NCKAP1: variants seen among roughly 807,000 people sequenced by gnomAD.
NCKAP1 encodes NCK associated protein 1.
Under a neutral mutation model 151.2 loss-of-function variants are expected in NCKAP1, and 21 were observed. That is an observed-to-expected ratio of 0.14 (90% CI 0.10 to 0.20). The LOEUF (loss-of-function observed/expected upper bound fraction) is 0.20, where lower values mean the gene tolerates loss of function less well. Among genes scored for constraint, NCKAP1 ranks in the 10% least tolerant of loss-of-function variants. The pLI is 1.00. For missense variants in NCKAP1, 933 were observed against 1,352.1 expected (o/e 0.69, Z 4.86); for synonymous variants, 484 against 451.8 (o/e 1.07, Z -0.90).
chr2:182,978,971 G>C, intron 13 of NCKAP1, 56 bp from the exon 14 acceptor site: 1 of 1,219,858 alleles, frequency 8.2e-7, no homozygotes, highest in Non-Finnish European at 1.2e-6. Flanking sequence ...AAACAACTCA[G>C]GTCTATCAAT....
rs931460524 is a variant in NCKAP1 at position 182,918,835 on chromosome 2, A to T, written c.*6867T>A. 19 of 152,196 alleles carry T rather than the reference A, an allele frequency of 1.2e-4. No homozygotes were observed. The highest frequency in any genetic ancestry group is 1.5e-5 in the Non-Finnish European group (1 of 68,030). 9.4% of individuals were successfully genotyped at this position (152,196 alleles called of 1,614,324 possible). A position where few individuals can be genotyped will look rare whatever the true frequency, so the allele number is the denominator to read the frequency against. ...CCCACTGTACCCTAAAAGCTATTCA[A>T]ATTTTTAAAACATTAATTAAAAAAT... On this transcript the variant is annotated 3_prime_UTR_variant, in exon 31 of 31. Coordinates refer to ENST00000361354, the MANE Select transcript of NCKAP1 (RefSeq NM_013436.5).
chr2:182,917,587 A>G lies in NCKAP1; in HGVS notation c.*8115T>C, dbSNP rs1254376448. 1 of 152,208 alleles carries G rather than the reference A, an allele frequency of 6.6e-6. No homozygotes were observed. The highest frequency in any genetic ancestry group is 1.5e-5 in the Non-Finnish European group (1 of 68,032). 9.4% of individuals were successfully genotyped at this position (152,208 alleles called of 1,614,324 possible). On this transcript the variant is annotated 3_prime_UTR_variant, in exon 31 of 31. Transcript: ENST00000361354. ...TCTTGAAAATAAGTTCATCTTTCAT[A>G]AAGGCAGAATTAATCCATCAATCAC...
intron 30 of NCKAP1, among the ~76,000 whole-genome samples, chr2:182,926,318 G>T (rs1696646542): frequency 6.6e-6 from 1 of 152,024 alleles, no homozygotes; most frequent in Non-Finnish European, 1.5e-5. Flanking sequence ...TGTGGGATGT[G>T]CTAAGTCATT....
At position 182,916,837 on chromosome 2, in the gene NCKAP1, A is replaced by AT. The variant is rs1696475636; in HGVS notation, c.*8864dup. ...GAGCAGTCTTAAAATTAATTTTAGC[A>AT]TCGTTTTCTGTTAAAGTTACATGAC... On this transcript the variant is annotated 3_prime_UTR_variant, in exon 31 of 31. Coordinates refer to ENST00000361354, the MANE Select transcript of NCKAP1 (RefSeq NM_013436.5). 6.6e-6 allele frequency: 1 copy of AT among 152,224 alleles called. No homozygotes were observed. The highest frequency in any genetic ancestry group is 1.5e-5 in the Non-Finnish European group (1 of 68,044). 9.4% of individuals were successfully genotyped at this position (152,224 alleles called of 1,614,324 possible). A position where few individuals can be genotyped will look rare whatever the true frequency, so the allele number is the denominator to read the frequency against.
chr2:182,959,254 G>T (rs1187129630), intron 18 of NCKAP1, among the ~76,000 whole-genome samples: 2 of 152,116 alleles, frequency 1.3e-5, no homozygotes, highest in African/African-American at 4.8e-5. Flanking sequence ...ACGGACATTT[G>T]CAACTTCAAC....
chr2:182,921,664 A>C lies in NCKAP1; in HGVS notation c.*4038T>G, dbSNP rs1179792453. ...TCTGTGGCTAGGATCCTAACTTCAG[A>C]TTGCTAATTTATCCCATTTTACTTA... On this transcript the variant is annotated 3_prime_UTR_variant, in exon 31 of 31. Coordinates refer to ENST00000361354, the MANE Select transcript of NCKAP1 (RefSeq NM_013436.5). 6.6e-6 allele frequency: 1 copy of C among 152,184 alleles called. No individual in the cohort carries two copies. Among genetic ancestry groups the C allele is most frequent in the Non-Finnish European group, 1.5e-5 (1 of 68,038 alleles). The allele number at this position is 152,184 out of a possible 1,614,324, so 9.4% of individuals were successfully genotyped here.
At chr2:183,023,439 C>T (rs899586019) in intron 2 of NCKAP1, among the ~76,000 whole-genome samples, 2 of 152,068 alleles carry the variant, frequency 1.3e-5, no homozygotes, top group African/African-American at 4.8e-5. Context: ...ACAACAGAAG[C>T]TCTATGCAGA....
At chr2:182,943,720 C>A (rs1697043860) in intron 23 of NCKAP1, among the ~76,000 whole-genome samples, 1 of 151,820 alleles carries the variant, frequency 6.6e-6, no homozygotes. Flanking sequence ...ATAATAAGAG[C>A]AATTATAACC....
intron 8 of NCKAP1, among the ~76,000 whole-genome samples, chr2:182,993,296 A>G (rs187473948): frequency 1.3e-5 from 2 of 152,092 alleles, no homozygotes; most frequent in Non-Finnish European, 2.9e-5. Flanking sequence ...CCTTTGTGAA[A>G]TTTTTTCCCG....
chr2:182,931,888 T>C (rs1388818852), intron 26 of NCKAP1, among the ~76,000 whole-genome samples: 1 of 152,120 alleles, frequency 6.6e-6, no homozygotes, highest in African/African-American at 2.4e-5. Flanking sequence ...TTCAACATAA[T>C]TTGCCATCAG....
Position 182,995,812 on chromosome 2 carries a change from A to T in NCKAP1, c.630T>A (p.Leu210=). ...GATTCCTTCGAGGATATACCATTTG[A>T]AGAGAAATTAGTGCATCTGAAAGAG... The part of the protein sequence containing the change: ...SKSLSDALIS[L]QMVYPRRNLS... Residue 210 remains leucine (L), a synonymous_variant, in exon 7 of 31, where the codon CTT becomes CTA. Transcript: ENST00000361354. 1 of 1,611,944 alleles carries T rather than the reference A, an allele frequency of 6.2e-7. No homozygotes were observed. Among genetic ancestry groups the T allele is most frequent in the African/African-American group, 1.3e-5 (1 of 75,004 alleles).
chr2:183,037,356 A>T (rs540328251), intron 1 of NCKAP1, among the ~76,000 whole-genome samples: 1 of 152,310 alleles, frequency 6.6e-6, no homozygotes, highest in Admixed American at 6.5e-5. Context: ...CACAGCCTAG[A>T]AGTATTTCAG....
chr2:182,933,225 T>C (rs1446004993), intron 26 of NCKAP1, among the ~76,000 whole-genome samples: 1 of 151,926 alleles, frequency 6.6e-6, no homozygotes, highest in East Asian at 1.9e-4. Flanking sequence ...TATTTTCAAG[T>C]AGAATAAATT....
chr2:183,027,402 T>C (rs1268647504), intron 1 of NCKAP1, among the ~76,000 whole-genome samples: 1 of 152,182 alleles, frequency 6.6e-6, no homozygotes, highest in African/African-American at 2.4e-5. Context: ...TTTTCTAAAA[T>C]CCACTTACTT....
rs1697601914 is a variant in NCKAP1, at chr2:182,967,724, A to T, written c.1483-363T>A. Among the ~76,000 whole-genome samples, 3 of 152,356 alleles carry T rather than the reference A, an allele frequency of 2.0e-5. No individual in the cohort carries two copies. In the South Asian group the frequency reaches 6.2e-4, roughly 32 times the overall value. ...GACAAAACACACACAGGAAGCAATCAGATAAAACTAAGTACTGCACATGTT... is the reference window on the plus strand; with the variant it reads ...GACAAAACACACACAGGAAGCAATCTGATAAAACTAAGTACTGCACATGTT... On this transcript the variant is annotated intron_variant, in intron 15 of 30. Transcript: ENST00000361354.
intron 2 of NCKAP1, among the ~76,000 whole-genome samples, chr2:183,009,421 G>GGGAAGGAAGGAAGGAA (rs1168445882): frequency 4.1e-4 from 34 of 82,572 alleles, no homozygotes; most frequent in East Asian, 1.6e-3. Context: ...AAAGAGGGAA[G>GGGAAGGAAGGAAGGAA]GGAAGGAAGG....
chr2:182,989,016 T>G lies in NCKAP1; in HGVS notation c.947+14A>C. 1 of 1,597,444 alleles carries G rather than the reference T, an allele frequency of 6.3e-7. No homozygotes were observed. The highest frequency in any genetic ancestry group is 1.1e-5 in the South Asian group (1 of 87,768). On this transcript the variant is annotated intron_variant, in intron 9 of 30. Coordinates refer to ENST00000361354, the MANE Select transcript of NCKAP1 (RefSeq NM_013436.5). Reference sequence around the variant, plus strand: ...CCTTCTCCAAAAAAGACAAAATAAATGAAAATGCCATACCCTCGTATGTTT... The same window carrying G: ...CCTTCTCCAAAAAAGACAAAATAAAGGAAAATGCCATACCCTCGTATGTTT...
chr2:182,976,727 T>C (rs1447861195), intron 15 of NCKAP1, among the ~76,000 whole-genome samples, 166 bp downstream of exon 15: 4 of 152,154 alleles, frequency 2.6e-5, no homozygotes, highest in Non-Finnish European at 5.9e-5. Flanking sequence ...GTTATTAATA[T>C]ATTTATCCAA....
At position 182,910,940 on chromosome 2, in the gene NCKAP1, A is replaced by T. The variant is rs1696376474; in HGVS notation, c.*14762T>A. 9.1e-6 allele frequency: 1 copy of T among 109,896 alleles called. No homozygotes were observed. The highest frequency in any genetic ancestry group is 1.2e-4 in the Admixed American group (1 of 8,182). 6.8% of individuals were successfully genotyped at this position (109,896 alleles called of 1,614,324 possible). On this transcript the variant is annotated 3_prime_UTR_variant, in exon 31 of 31. Transcript: ENST00000361354. ...CATTATAACTTGGAAATAAAAATAAAATCCTAAGCTCCCCCCCCACATTTG... is the reference window on the plus strand; with the variant it reads ...CATTATAACTTGGAAATAAAAATAATATCCTAAGCTCCCCCCCCACATTTG...
Sources: gnomAD v4.1 joint callset for allele counts (sites outside exome capture counted in the v4.1 genomes callset) on GRCh38, gnomAD v4.1.1 for gene constraint, MANE v1.5 for transcripts, NCBI Gene and HGNC (gene_info 2026-07-23, HGNC 2026-07-21) for gene names.